Variants in DMXL2 observed in about 807,000 individuals in gnomAD.
The protein encoded by DMXL2 is dmX-like protein 2.
Under a neutral mutation model 331.1 loss-of-function variants are expected in DMXL2, and 103 were observed. The observed-to-expected ratio is 0.31, with a 90% CI of 0.27 to 0.37. The LOEUF (loss-of-function observed/expected upper bound fraction) is 0.37. DMXL2 is among the 10% of genes least tolerant of loss of function. The probability of loss-of-function intolerance (pLI) is 1.00; values close to 1 mark genes in which losing one functional copy is unlikely to be tolerated. For missense variants in DMXL2, 3,171 were observed against 3,642.9 expected (o/e 0.87, Z 3.33); for synonymous variants, 1,281 against 1,252.1 (o/e 1.02, Z -0.49).
intron 1 of DMXL2, among the ~76,000 whole-genome samples, chr15:51,595,162 C>G (rs1371481026): frequency 6.6e-6 from 1 of 152,180 alleles, no homozygotes; most frequent in African/African-American, 2.4e-5. Flanking sequence ...GATTGTATAT[C>G]CAGAAAACCC....
At chr15:51,552,262 AAGG>A (rs1157711404) in intron 6 of DMXL2, among the ~76,000 whole-genome samples, 1 of 151,824 alleles carries the variant, frequency 6.6e-6, no homozygotes, top group East Asian at 2.0e-4. Flanking sequence ...AGGTGGTGAA[AAGG>A]AGAACGGCAT....
intron 1 of DMXL2, among the ~76,000 whole-genome samples, chr15:51,587,265 C>T (rs919046892): frequency 1.3e-5 from 2 of 152,036 alleles, no homozygotes; most frequent in African/African-American, 4.8e-5. Flanking sequence ...TGTGCTGCAC[C>T]CATTAACTCA....
At position 51,451,691 on chromosome 15, in the gene DMXL2, A is replaced by G; in HGVS notation, c.8703T>C (p.Val2901=). The change falls in exon 42 of 44, where the codon GTT becomes GTC. Residue 2901 remains valine, a synonymous_variant. Coordinates refer to ENST00000560891, the MANE Select transcript of DMXL2 (RefSeq NM_001378457.1). The part of the protein sequence containing the change: ...TSGHSNDNRN[V]CLWDTLISPG... ...GTGATATTAATGTGTCCCAGAGGCA[A>G]ACATTTCTTTTAAAGAAACACAATA... is the stretch of plus-strand genomic sequence containing the variant. The G allele has an allele frequency of 6.2e-7, 1 of 1,612,876 alleles. No homozygotes were observed. The highest frequency in any genetic ancestry group is 1.1e-5 in the South Asian group (1 of 90,968).
At chr15:51,512,603 A>G (rs2046821272) in intron 15 of DMXL2, among the ~76,000 whole-genome samples, 1 of 152,184 alleles carries the variant, frequency 6.6e-6, no homozygotes, top group Non-Finnish European at 1.5e-5. Flanking sequence ...TGAGGTCAGG[A>G]GTTCAAGACC....
chr15:51,570,536 C>T (rs577439421), intron 2 of DMXL2, among the ~76,000 whole-genome samples: 1 of 152,142 alleles, frequency 6.6e-6, no homozygotes, highest in Non-Finnish European at 1.5e-5. Context: ...TTAAGGGCAG[C>T]CAGAGAGAAA....
rs1596274182 is a variant in DMXL2 at position 51,564,319 on chromosome 15, C to G, written c.365-59G>C. 6 of 1,322,652 alleles carry G rather than the reference C, an allele frequency of 4.5e-6. No homozygotes were observed. In the East Asian group the frequency reaches 1.7e-4, roughly 36 times the overall value. The allele number at this position is 1,322,652 out of a possible 1,614,324, so 81.9% of individuals were successfully genotyped here. A position where few individuals can be genotyped will look rare whatever the true frequency, so the allele number is the denominator to read the frequency against. ...AATATTATATAGGGAAATAAATGCA[C>G]ATGGGCTTCTGTTTAGATCTGTAAA... On this transcript the variant is annotated intron_variant, in intron 4 of 43. Transcript: ENST00000560891.
At chr15:51,497,747 G>A (rs777389723) in intron 18 of DMXL2, among the ~76,000 whole-genome samples, 11 of 152,186 alleles carry the variant, frequency 7.2e-5, no homozygotes, top group Non-Finnish European at 1.6e-4. Flanking sequence ...GACATTAACT[G>A]TATGGAAATC....
At position 51,536,465 on chromosome 15, in the gene DMXL2, T is replaced by C. The variant is rs1596165416; in HGVS notation, c.2015A>G (p.Asn672Ser). 6.2e-7 allele frequency: 1 copy of C among 1,614,034 alleles called. No homozygotes were observed. Among genetic ancestry groups the C allele is most frequent in the Non-Finnish European group, 8.5e-7 (1 of 1,179,976 alleles). Residue 672 changes from asparagine (N) to serine (S), a missense_variant, in exon 12 of 44, where the codon AAT (asparagine) becomes AGT (serine). Asn to Ser is a conservative substitution (Grantham distance 46). Transcript: ENST00000560891. The stretch of plus-strand genomic sequence containing the variant: ...ATCTAATTCAGGAGTCAATAGAGCA[T>C]TATGATGAGAGGATGTCAATAACAG... ...LPLLLTSSHH[N>S]ALLTPELDCQ...
At chr15:51,599,931 C>T (rs779860899) in intron 1 of DMXL2, among the ~76,000 whole-genome samples, 4 of 151,994 alleles carry the variant, frequency 2.6e-5, no homozygotes, top group African/African-American at 9.7e-5. Context: ...AATCTCCTGA[C>T]CTCGTGATCT....
chr15:51,563,177 A>T (rs2050073502), intron 6 of DMXL2, among the ~76,000 whole-genome samples: 1 of 152,050 alleles, frequency 6.6e-6, no homozygotes, highest in Non-Finnish European at 1.5e-5. Flanking sequence ...AAGAGTAATA[A>T]GAATAGCCAT....
intron 29 of DMXL2, among the ~76,000 whole-genome samples, chr15:51,468,045 G>A (rs1470728042): frequency 6.6e-6 from 1 of 152,066 alleles, no homozygotes; most frequent in African/African-American, 2.4e-5. Flanking sequence ...ACTTCTTAAG[G>A]AAATAATCTG....
chr15:51,545,783 A>G lies in DMXL2; in HGVS notation c.747-17T>C, dbSNP rs1204807100. On this transcript the variant is annotated splice_polypyrimidine_tract_variant and intron_variant, in intron 7 of 43. Coordinates refer to ENST00000560891, the MANE Select transcript of DMXL2 (RefSeq NM_001378457.1). The stretch of plus-strand genomic sequence containing the variant: ...ACAGAACCCCTAACAACAAAGAGAA[A>G]TAAATAAAGGTTAATGTGAATATCA... 1.3e-6 allele frequency: 2 copies of G among 1,598,320 alleles called. No homozygotes were observed. The highest frequency in any genetic ancestry group is 1.3e-5 in the African/African-American group (1 of 74,330).
rs780394765 is a variant in DMXL2 at position 51,498,860 on chromosome 15, C to T, written c.4364G>A (p.Ser1455Asn). ...ISEESTKIPQ[S>N]YEDQTVSQPE... The stretch of plus-strand genomic sequence containing the variant: ...TTGACTTACTGTCTGATCTTCATAG[C>T]TCTGTGGTATCTTTGTACTTTCTTC... Residue 1455 changes from serine to asparagine, a missense_variant, in exon 18 of 44, where the codon AGC becomes AAC. By Grantham distance (46) the Ser-to-Asn change is conservative. This residue lies in a region of DMXL2 where 1,674 missense variants were observed against 1,780.2 expected (regional missense o/e 0.94). Coordinates refer to ENST00000560891, the MANE Select transcript of DMXL2 (RefSeq NM_001378457.1). 3 of 1,614,126 alleles carry T rather than the reference C, an allele frequency of 1.9e-6. No homozygotes were observed. Among genetic ancestry groups the T allele is most frequent in the Non-Finnish European group, 2.5e-6 (3 of 1,180,004 alleles).
At chr15:51,550,057 A>G (rs1030249647) in intron 6 of DMXL2, among the ~76,000 whole-genome samples, 1 of 152,190 alleles carries the variant, frequency 6.6e-6, no homozygotes, top group Non-Finnish European at 1.5e-5. Context: ...ATCCAACAGC[A>G]TATCAAAAAG....
chr15:51,538,160 C>A, intron 10 of DMXL2, 53 bp downstream of exon 10: 2 of 1,550,958 alleles, frequency 1.3e-6, no homozygotes, highest in South Asian at 2.5e-5. Context: ...AAAGTGGTAC[C>A]ACAGAAAGCT....
chr15:51,601,298 A>AT (rs2053212845), intron 1 of DMXL2, among the ~76,000 whole-genome samples: 4 of 151,500 alleles, frequency 2.6e-5, no homozygotes, highest in African/African-American at 9.7e-5. Context: ...CTCAAAAAAA[A>AT]AAAAAAAAAT....
At chr15:51,526,254 C>A (rs1474413924) in intron 13 of DMXL2, among the ~76,000 whole-genome samples, 1 of 152,062 alleles carries the variant, frequency 6.6e-6, no homozygotes, top group African/African-American at 2.4e-5. Context: ...GAACAAGAGT[C>A]TCTGCCTGGT....
chr15:51,492,212 C>A (rs1170044452), intron 19 of DMXL2, among the ~76,000 whole-genome samples: 1 of 152,134 alleles, frequency 6.6e-6, no homozygotes, highest in Non-Finnish European at 1.5e-5. Flanking sequence ...CCCACAAGAG[C>A]CCAGGGGAAG....
intron 1 of DMXL2, among the ~76,000 whole-genome samples, chr15:51,590,081 C>T (rs910375136): frequency 8.5e-5 from 13 of 152,198 alleles, no homozygotes; most frequent in South Asian, 4.1e-4. Context: ...TGGCAGACCA[C>T]GTGATCAACA....
Sources: gnomAD v4.1 joint callset for allele counts (sites outside exome capture counted in the v4.1 genomes callset) on GRCh38, gnomAD v4.1.1 for gene constraint, gnomAD v4.1.1 regional missense constraint, MANE v1.5 for transcripts, NCBI Gene and HGNC (gene_info 2026-07-23, HGNC 2026-07-21) for gene names.